GRB2: variants seen among roughly 807,000 people sequenced by gnomAD.
GRB2 encodes growth factor receptor bound protein 2, also known as growth factor receptor-bound protein 2.
A neutral mutation model predicts 27.4 loss-of-function variants in GRB2; 2 were observed. That is an observed-to-expected ratio of 0.07 (90% CI 0.03 to 0.23). The LOEUF is 0.23. Ranked by LOEUF, GRB2 falls within the 10% of genes least tolerant of loss-of-function variation. GRB2 has a pLI of 1.00. For synonymous variants in GRB2, 94 were observed against 99.6 expected, an observed-to-expected ratio of 0.94 and a Z score of 0.33; for missense variants, 102 against 282.4, an observed-to-expected ratio of 0.36 and a Z score of 4.58.
chr17:75,339,193 A>ATGTT, intron 2 of GRB2: 1 of 545,840 alleles, frequency 1.8e-6, no homozygotes, highest in Non-Finnish European at 3.1e-6. Context: ...TCCTGAGTTT[A>ATGTT]TGTTTTTTTT....
chr17:75,396,124 C>T (rs978722498), intron 1 of GRB2, among the ~76,000 whole-genome samples: 6 of 152,126 alleles, frequency 3.9e-5, no homozygotes, highest in Non-Finnish European at 7.4e-5. Context: ...AGGCATCGGC[C>T]GCTGTGCCTG....
chr17:75,349,363 A>C (rs887869104), intron 2 of GRB2, among the ~76,000 whole-genome samples: 1 of 152,154 alleles, frequency 6.6e-6, no homozygotes, highest in African/African-American at 2.4e-5. Flanking sequence ...TGCCTAACAG[A>C]TAAGACAAGC....
At chr17:75,365,859 A>C (rs959374859) in intron 2 of GRB2, among the ~76,000 whole-genome samples, 7 of 152,124 alleles carry the variant, frequency 4.6e-5, no homozygotes, top group Non-Finnish European at 8.8e-5. Context: ...GCCCAACCCA[A>C]CCCATCAGCT....
intron 3 of GRB2, among the ~76,000 whole-genome samples, chr17:75,331,197 C>G (rs2078539033): frequency 6.6e-6 from 1 of 152,200 alleles, no homozygotes; most frequent in South Asian, 2.1e-4. Flanking sequence ...TATGGTAGAC[C>G]TGAATAAATA....
intron 2 of GRB2, among the ~76,000 whole-genome samples, chr17:75,335,520 G>A (rs528794979): frequency 4.6e-5 from 7 of 152,254 alleles, no homozygotes; most frequent in South Asian, 4.2e-4. Context: ...ACAGATGATC[G>A]ACAACTAGCC....
Position 75,393,622 on chromosome 17 carries a change from C to T in GRB2, c.7G>A (p.Ala3Thr). 1 of 1,613,992 alleles carries T rather than the reference C, an allele frequency of 6.2e-7. No homozygotes were observed. The highest frequency in any genetic ancestry group is 8.5e-7 in the Non-Finnish European group (1 of 1,179,856). ME[A>T]IAKYDFKATA... The stretch of plus-strand genomic sequence containing the variant: ...GCTTTGAAGTCATATTTGGCGATGG[C>T]TTCCATTCTGAGCGCTGCTCAGTGC... Residue 3 changes from alanine (A) to threonine (T), a missense_variant, in exon 2 of 6, where the codon GCC becomes ACC. Ala to Thr is a moderately conservative substitution (Grantham distance 58). Transcript: ENST00000316804.
At position 75,398,180 on chromosome 17, in the gene GRB2, A is replaced by G. The variant is rs139019945; in HGVS notation, c.-137-4415T>C. On this transcript the variant is annotated intron_variant, in intron 1 of 5. Coordinates refer to ENST00000316804, the MANE Select transcript of GRB2 (RefSeq NM_002086.5). ...AAACATATGAAAAGAAATGCAAATT[A>G]AAACAATCAGAGTTTTCATATACTA... 2.0e-4 allele frequency among the ~76,000 whole-genome samples: 31 copies of G among 152,314 alleles called. 1 individual carries two copies. In the East Asian group the frequency reaches 5.6e-3, roughly 27 times the overall value.
intron 1 of GRB2, among the ~76,000 whole-genome samples, chr17:75,401,444 T>C: frequency 1.1e-5 from 1 of 87,720 alleles, no homozygotes; most frequent in African/African-American, 4.2e-5. Flanking sequence ...AGAGCGAGAC[T>C]CCGTCTCAAA....
At chr17:75,374,318 C>A (rs1015438100) in intron 2 of GRB2, among the ~76,000 whole-genome samples, 1 of 147,756 alleles carries the variant, frequency 6.8e-6, no homozygotes, top group African/African-American at 2.5e-5. Context: ...GCAAGAGAAT[C>A]GCTGGAACCC....
intron 2 of GRB2, among the ~76,000 whole-genome samples, chr17:75,386,987 A>AACACAGTGAAACCTCGTCTCT (rs200620473): frequency 6.6e-6 from 1 of 151,478 alleles, no homozygotes; most frequent in African/African-American, 2.4e-5. Flanking sequence ...CATCCTGGCT[A>AACACAGTGAAACCTCGTCTCT]ACTAAAAACA....
At chr17:75,324,148 T>C (rs1446284423) in intron 4 of GRB2, among the ~76,000 whole-genome samples, 1 of 151,438 alleles carries the variant, frequency 6.6e-6, no homozygotes, top group Non-Finnish European at 1.5e-5. Context: ...AAAAAAAAAA[T>C]CTACATTTTA....
chr17:75,325,325 T>A (rs905543510), intron 4 of GRB2, among the ~76,000 whole-genome samples: 1 of 152,014 alleles, frequency 6.6e-6, no homozygotes, highest in African/African-American at 2.4e-5. Flanking sequence ...ACAGCTGAGG[T>A]GTGAATTGTT....
chr17:75,392,723 A>G (rs2079006115), intron 2 of GRB2, among the ~76,000 whole-genome samples: 2 of 152,228 alleles, frequency 1.3e-5, no homozygotes, highest in African/African-American at 2.4e-5. Flanking sequence ...ATACTCTTTG[A>G]TAACACTCAT....
intron 1 of GRB2, among the ~76,000 whole-genome samples, chr17:75,396,088 T>G (rs996874947): frequency 6.6e-6 from 1 of 152,112 alleles, no homozygotes; most frequent in Non-Finnish European, 1.5e-5. Flanking sequence ...TCCGCCCACT[T>G]TGGCCTCCCC....
intron 2 of GRB2, among the ~76,000 whole-genome samples, chr17:75,349,292 G>T (rs2078674039): frequency 6.6e-6 from 1 of 152,088 alleles, no homozygotes; most frequent in Non-Finnish European, 1.5e-5. Flanking sequence ...AGCTGGATGT[G>T]GCTCAATCAA....
intron 2 of GRB2, among the ~76,000 whole-genome samples, chr17:75,337,892 C>CTATTATTAT (rs1439039316): frequency 1.6e-5 from 2 of 127,652 alleles, no homozygotes; most frequent in African/African-American, 6.1e-5. Context: ...ACTACTACTA[C>CTATTATTAT]TACTACTACT....
At chr17:75,403,298 C>G (rs1230776263) in intron 1 of GRB2, among the ~76,000 whole-genome samples, 1 of 151,680 alleles carries the variant, frequency 6.6e-6, no homozygotes, top group Non-Finnish European at 1.5e-5. Flanking sequence ...TTCATTTCTC[C>G]AAAATCCATT....
chr17:75,397,246 C>CA (rs765820939), intron 1 of GRB2, among the ~76,000 whole-genome samples: 45 of 150,518 alleles, frequency 3.0e-4, no homozygotes, highest in South Asian at 8.4e-4. Context: ...TCAGTAAAGA[C>CA]AAAAAAAAAT....
rs114185618 is a variant in GRB2, at chr17:75,398,298, T to C, written c.-137-4533A>G. ...ATTTATTTATTTTTCAGAAAGGGTCTCACTCTGTAGCAAAGGCTGGAGGGC... is the reference window on the plus strand; with the variant it reads ...ATTTATTTATTTTTCAGAAAGGGTCCCACTCTGTAGCAAAGGCTGGAGGGC... On this transcript the variant is annotated intron_variant, in intron 1 of 5. Coordinates refer to ENST00000316804, the MANE Select transcript of GRB2 (RefSeq NM_002086.5). 4.8e-3 allele frequency among the ~76,000 whole-genome samples: 726 copies of C among 152,308 alleles called. 4 individuals are homozygous for C. Among genetic ancestry groups the C allele is most frequent in the African/African-American group, 0.017 (698 of 41,566 alleles).
Sources: gnomAD v4.1 joint callset for allele counts (sites outside exome capture counted in the v4.1 genomes callset) on GRCh38, gnomAD v4.1.1 for gene constraint, MANE v1.5 for transcripts, NCBI Gene and HGNC (gene_info 2026-07-23, HGNC 2026-07-21) for gene names.